The following ARHGAP17 variants were observed in gnomAD, a reference collection of about 807,000 sequenced individuals.
ARHGAP17 encodes the protein Rho GTPase activating protein 17, also known as rho GTPase-activating protein 17.
In ARHGAP17, 57 loss-of-function variants were observed where a neutral mutation model predicts 99.5. That is an observed-to-expected ratio of 0.57 (90% confidence interval 0.46 to 0.71). The LOEUF is 0.71. ARHGAP17 is among the 30% of genes least tolerant of loss of function. The probability of loss-of-function intolerance (pLI) is 0.00; values close to 1 mark genes in which losing one functional copy is unlikely to be tolerated. For missense variants in ARHGAP17, 1,000 were observed against 1,122.4 expected (o/e 0.89, Z 1.56); for synonymous variants, 417 against 429.6 (o/e 0.97, Z 0.36).
Position 25,013,990 on chromosome 16 carries a change from T to C in ARHGAP17, c.53+1219A>G, listed in dbSNP as rs2053713410. ...AACAGAAAAGTAGGTTTGTCTGGGC[T>C]TTAGGGGCAGCGATTAACCCTGAAA... is the stretch of plus-strand genomic sequence containing the variant. On this transcript the variant is annotated intron_variant, in intron 1 of 19. Transcript: ENST00000289968. 3 of 152,218 alleles carry C rather than the reference T, an allele frequency of 2.0e-5. 1 individual carries two copies. Among genetic ancestry groups the C allele is most frequent in the Admixed American group, 1.3e-4 (2 of 15,270 alleles). 9.4% of individuals were successfully genotyped at this position (152,218 alleles called of 1,614,324 possible).
chr16:24,997,964 C>G (rs146894132), intron 1 of ARHGAP17, among the ~76,000 whole-genome samples: 1 of 152,156 alleles, frequency 6.6e-6, no homozygotes, highest in African/African-American at 2.4e-5. Context: ...GCAGCAAACA[C>G]GGATCTGGGG....
At chr16:25,006,775 G>C (rs1030380477) in intron 1 of ARHGAP17, among the ~76,000 whole-genome samples, 1 of 152,212 alleles carries the variant, frequency 6.6e-6, no homozygotes, top group Non-Finnish European at 1.5e-5. Context: ...TCACAGACTA[G>C]AAGATAGAGG....
At chr16:24,982,986 ATATATATATATTTTTTTT>A (rs1442103707) in intron 1 of ARHGAP17, among the ~76,000 whole-genome samples, 14 of 28,944 alleles carry the variant, frequency 4.8e-4, no homozygotes, top group Admixed American at 2.3e-3. Flanking sequence ...ATATATATAT[ATATATATATATTTTTTTT>A]TTTTTTTTTT....
intron 18 of ARHGAP17, among the ~76,000 whole-genome samples, chr16:24,932,138 G>T (rs1180602879): frequency 6.6e-6 from 1 of 151,764 alleles, no homozygotes; most frequent in Non-Finnish European, 1.5e-5. Flanking sequence ...GGGGGGATGG[G>T]GGGACTAGCC....
chr16:24,970,473 T>C (rs766520412), intron 4 of ARHGAP17, 34 bp downstream of exon 4: 22 of 1,601,500 alleles, frequency 1.4e-5, no homozygotes, highest in Non-Finnish European at 1.9e-5. Flanking sequence ...CCAATCTACA[T>C]GGCACTTGGC....
At chr16:24,995,297 T>C (rs1381028661) in intron 1 of ARHGAP17, among the ~76,000 whole-genome samples, 1 of 152,172 alleles carries the variant, frequency 6.6e-6, no homozygotes, top group African/African-American at 2.4e-5. Flanking sequence ...ATTAAATTGT[T>C]GCGGGTTACA....
intron 3 of ARHGAP17, 46 bp from the exon 4 acceptor site, chr16:24,970,626 C>G: frequency 6.6e-7 from 1 of 1,510,472 alleles, no homozygotes; most frequent in Non-Finnish European, 9.2e-7. Flanking sequence ...ATTTGATACC[C>G]ATTCTCAATG....
rs192589748 is a variant in ARHGAP17, at chr16:24,959,834, A to G, written c.642+77T>C. 200 of 1,604,692 alleles carry G rather than the reference A, an allele frequency of 1.2e-4. No homozygotes were observed. The African/African-American group carries it at 2.5e-3, about 20-fold the overall frequency. On this transcript the variant is annotated intron_variant, in intron 8 of 19. Transcript: ENST00000289968. The stretch of plus-strand genomic sequence containing the variant: ...ACACAATGGCTGAGCAAAACTAAAA[A>G]TGAAATCTTTTGCAAAAAAGCTAAA...
intron 7 of ARHGAP17, 75 bp downstream of exon 7, chr16:24,964,122 A>T: frequency 1.0e-6 from 1 of 962,208 alleles, no homozygotes; most frequent in Non-Finnish European, 1.5e-6. Flanking sequence ...TTAAAACATT[A>T]AGTAACTTAC....
In ARHGAP17 at chr16:24,964,176, T is replaced by A. The variant is rs192472731; in HGVS notation, c.573+21A>T. Reference sequence around the variant, plus strand: ...CATTTGCAAAAACCGAAAAGATACATTTATCAAGGAATTCTCATACCTTGC... The same window carrying A: ...CATTTGCAAAAACCGAAAAGATACAATTATCAAGGAATTCTCATACCTTGC... On this transcript the variant is annotated intron_variant, in intron 7 of 19. Transcript: ENST00000289968. The A allele has an allele frequency of 3.3e-6, 5 of 1,494,220 alleles. No homozygotes were observed. The African/African-American group carries it at 7.0e-5, about 21-fold the overall frequency. The allele number at this position is 1,494,220 out of a possible 1,614,324, so 92.6% of individuals were successfully genotyped here. A position where few individuals can be genotyped will look rare whatever the true frequency, so the allele number is the denominator to read the frequency against.
At chr16:24,997,315 C>A (rs2141460181) in intron 1 of ARHGAP17, among the ~76,000 whole-genome samples, 1 of 151,532 alleles carries the variant, frequency 6.6e-6, no homozygotes, top group South Asian at 2.1e-4. Context: ...TGGACTGGTG[C>A]AAGGCGCCCA....
chr16:24,982,983 T>TATATATACAC (rs1555467465), intron 1 of ARHGAP17, among the ~76,000 whole-genome samples: 3 of 15,004 alleles, frequency 2.0e-4, no homozygotes, highest in African/African-American at 4.0e-4. Context: ...TATATATATA[T>TATATATACAC]ATATATATAT....
chr16:25,004,404 T>C (rs776151392), intron 1 of ARHGAP17, among the ~76,000 whole-genome samples: 5 of 152,166 alleles, frequency 3.3e-5, no homozygotes, highest in Admixed American at 6.5e-5. Context: ...TCTGGTGAAG[T>C]AGAAACACTT....
intron 19 of ARHGAP17, among the ~76,000 whole-genome samples, chr16:24,921,924 C>T (rs971579861): frequency 3.3e-5 from 5 of 152,200 alleles, no homozygotes; most frequent in South Asian, 2.1e-4. Flanking sequence ...CAGAAGTCAA[C>T]GAAGGCAGGG....
At chr16:24,975,660 T>C (rs2052493130) in intron 3 of ARHGAP17, among the ~76,000 whole-genome samples, 1 of 152,126 alleles carries the variant, frequency 6.6e-6, no homozygotes, top group Non-Finnish European at 1.5e-5. Context: ...CATAAAAGGG[T>C]AACACAGATC....
Position 24,934,460 on chromosome 16 carries a change from T to C in ARHGAP17, c.1894+1010A>G, listed in dbSNP as rs541292260. ...TGTGAGCCACTGCGCCTGGCCTCTCTTTTTTATTTTAGAGATGGGGTCTCA... is the reference window on the plus strand; with the variant it reads ...TGTGAGCCACTGCGCCTGGCCTCTCCTTTTTATTTTAGAGATGGGGTCTCA... On this transcript the variant is annotated intron_variant, in intron 18 of 19. Transcript: ENST00000289968. Among the ~76,000 whole-genome samples the C allele has an allele frequency of 1.7e-3, 255 of 151,192 alleles. 3 individuals are homozygous for C. Among genetic ancestry groups the C allele is most frequent in the African/African-American group, 5.1e-3 (211 of 41,148 alleles).
chr16:24,954,854 A>T, intron 9 of ARHGAP17, 124 bp from the exon 10 acceptor site: 1 of 1,314,354 alleles, frequency 7.6e-7, no homozygotes, highest in Non-Finnish European at 1.0e-6. Context: ...AAGAGGGGAT[A>T]CATCTGTTCT....
At position 24,981,382 on chromosome 16, in the gene ARHGAP17, A is replaced by G. The variant is rs145393049; in HGVS notation, c.54-2377T>C. On this transcript the variant is annotated intron_variant, in intron 1 of 19. Coordinates refer to ENST00000289968, the MANE Select transcript of ARHGAP17 (RefSeq NM_001006634.3). The stretch of plus-strand genomic sequence containing the variant: ...TAGTATGCTCAGCTGCAAATAATTG[A>G]TTGGACATAATATAAATATCAAATA... Among the ~76,000 whole-genome samples, 1,087 of 152,330 alleles carry G rather than the reference A, an allele frequency of 7.1e-3. 18 individuals carry two copies. The highest frequency in any genetic ancestry group is 0.024 in the African/African-American group (1,017 of 41,564).
At chr16:24,966,731 CTA>C (rs1422987948) in intron 6 of ARHGAP17, among the ~76,000 whole-genome samples, 1 of 152,218 alleles carries the variant, frequency 6.6e-6, no homozygotes, top group East Asian at 1.9e-4. Context: ...TTGCAGTGAG[CTA>C]TGATCACACC....
Sources: allele counts gnomAD v4.1 joint callset (sites outside exome capture counted in the v4.1 genomes callset), GRCh38; gene constraint gnomAD v4.1.1; transcripts MANE v1.5; gene names NCBI Gene and HGNC (gene_info 2026-07-23, HGNC 2026-07-21).